Variants in PCOLCE2 observed in about 807,000 individuals in gnomAD.
PCOLCE2 encodes procollagen C-proteinase enhancer 2.
In PCOLCE2, 42 loss-of-function variants were observed where a neutral mutation model predicts 47.0. The observed-to-expected ratio is 0.89, with a 90% CI of 0.70 to 1.16. The LOEUF is 1.16. PCOLCE2 is among the 50% of genes most tolerant of loss of function. PCOLCE2 has a pLI of 0.00. For synonymous variants in PCOLCE2, 169 were observed against 191.7 expected (o/e 0.88, Z 0.98); for missense variants, 500 against 526.1 (o/e 0.95, Z 0.49).
intron 2 of PCOLCE2, among the ~76,000 whole-genome samples, chr3:142,884,721 C>T (rs933719977): frequency 6.6e-6 from 1 of 152,200 alleles, no homozygotes; most frequent in Non-Finnish European, 1.5e-5. Flanking sequence ...GTAGCAGCTT[C>T]CCTATTTGCA....
At chr3:142,826,744 C>T (rs1275172015) in intron 6 of PCOLCE2, among the ~76,000 whole-genome samples, 2 of 152,154 alleles carry the variant, frequency 1.3e-5, no homozygotes, top group African/African-American at 4.8e-5. Context: ...CCAGTAGACT[C>T]CATGTCATGA....
intron 2 of PCOLCE2, among the ~76,000 whole-genome samples, chr3:142,866,469 T>G (rs1050193152): frequency 6.6e-6 from 1 of 152,152 alleles, no homozygotes; most frequent in African/African-American, 2.4e-5. Context: ...GCCTCTATAA[T>G]TGCATGAGCC....
Position 142,878,786 on chromosome 3 carries a change from G to A in PCOLCE2, c.192+8883C>T, listed in dbSNP as rs147922210. ...GGAGAATCTCTTGAATCCAGGAAGC[G>A]GAGGCTGCAGTGAGCTGAGATCACG... On this transcript the variant is annotated intron_variant, in intron 2 of 8. Coordinates refer to ENST00000295992, the MANE Select transcript of PCOLCE2 (RefSeq NM_013363.4). Among the ~76,000 whole-genome samples the A allele has an allele frequency of 1.0e-3, 157 of 152,098 alleles. 1 individual carries two copies. The highest frequency in any genetic ancestry group is 9.6e-3 in the South Asian group (46 of 4,812).
At chr3:142,825,409 G>A (rs1440248773) in intron 6 of PCOLCE2, among the ~76,000 whole-genome samples, 3 of 151,980 alleles carry the variant, frequency 2.0e-5, no homozygotes, top group Non-Finnish European at 4.4e-5. Context: ...CCGGTTCTCA[G>A]CCCTCCCTGG....
chr3:142,834,557 G>C (rs923742223), intron 5 of PCOLCE2, among the ~76,000 whole-genome samples: 23 of 152,010 alleles, frequency 1.5e-4, no homozygotes, highest in African/African-American at 4.3e-4. Context: ...TCTAAGAAAA[G>C]ACATTTGTGA....
chr3:142,828,720 G>A (rs72992653), intron 6 of PCOLCE2, among the ~76,000 whole-genome samples: 3,030 of 152,278 alleles, frequency 0.02, 98 homozygotes, highest in African/African-American at 0.069. Flanking sequence ...CCATGCTTGC[G>A]ATTTCAGAGA....
chr3:142,871,098 C>T (rs1244916288), intron 2 of PCOLCE2, among the ~76,000 whole-genome samples: 1 of 152,216 alleles, frequency 6.6e-6, no homozygotes, highest in African/African-American at 2.4e-5. Flanking sequence ...ATTGCATCTT[C>T]ATCCTTCCAG....
chr3:142,858,614 G>A (rs1578043236), intron 2 of PCOLCE2, among the ~76,000 whole-genome samples: 1 of 151,692 alleles, frequency 6.6e-6, no homozygotes, highest in Non-Finnish European at 1.5e-5. Context: ...TGGGGTAAGT[G>A]GGGGGGTCCC....
At chr3:142,852,316 T>G (rs1365750450) in intron 2 of PCOLCE2, among the ~76,000 whole-genome samples, 1 of 152,160 alleles carries the variant, frequency 6.6e-6, no homozygotes, top group Non-Finnish European at 1.5e-5. Context: ...TATAAAGGAC[T>G]TTAGAGAGCA....
At chr3:142,826,892 A>G (rs1179990473) in intron 6 of PCOLCE2, among the ~76,000 whole-genome samples, 1 of 152,020 alleles carries the variant, frequency 6.6e-6, no homozygotes, top group African/African-American at 2.4e-5. Flanking sequence ...CTCCCTCGCC[A>G]CTGCTTTTCA....
At chr3:142,861,584 T>G (rs555847769) in intron 2 of PCOLCE2, among the ~76,000 whole-genome samples, 1 of 152,342 alleles carries the variant, frequency 6.6e-6, no homozygotes, top group African/African-American at 2.4e-5. Flanking sequence ...TGATTTTATG[T>G]GCACAGTGTC....
chr3:142,854,536 T>C (rs1007572862), intron 2 of PCOLCE2, among the ~76,000 whole-genome samples: 2 of 152,250 alleles, frequency 1.3e-5, no homozygotes, highest in African/African-American at 2.4e-5. Context: ...ATCTTATACA[T>C]GTTTAAAAAA....
At chr3:142,849,869 G>GT (rs1937370684) in intron 2 of PCOLCE2, among the ~76,000 whole-genome samples, 2 of 152,180 alleles carry the variant, frequency 1.3e-5, no homozygotes, top group Non-Finnish European at 2.9e-5. Flanking sequence ...CCCCATGTTG[G>GT]TAAGTACAGT....
At chr3:142,843,132 T>C (rs1258078627) in intron 3 of PCOLCE2, 84 bp from the exon 4 acceptor site, 2 of 1,387,966 alleles carry the variant, frequency 1.4e-6, no homozygotes, top group African/African-American at 1.4e-5. Context: ...GAATGTGGGA[T>C]CTTTGGTGAG....
chr3:142,821,187 G>T, intron 7 of PCOLCE2, 142 bp from the exon 8 acceptor site: 1 of 644,454 alleles, frequency 1.6e-6, no homozygotes, highest in Non-Finnish European at 2.6e-6. Context: ...TTTCACATTT[G>T]CTTCTGTACA....
Position 142,843,027 on chromosome 3 carries a change from A to G in PCOLCE2, c.470T>C (p.Leu157Pro), listed in dbSNP as rs147460166. Residue 157 changes from leucine (L) to proline (P), a missense_variant, in exon 4 of 9, where the codon CTC becomes CCC. Leu to Pro is a moderately conservative substitution (Grantham distance 98). Transcript: ENST00000295992. ...NERGDQYCGGLLDRPSGSFKT... is the reference protein window; with the variant it reads ...NERGDQYCGGPLDRPSGSFKT... ...AAAAGAGCCGGAAGGTCTGTCAAGG[A>G]GTCCTCCACAATACTGATCCCCTTC... 1.9e-6 allele frequency: 3 copies of G among 1,613,868 alleles called. No homozygotes were observed. The African/African-American group carries it at 4.0e-5, about 22-fold the overall frequency.
At chr3:142,861,541 CTTG>C (rs146673619) in intron 2 of PCOLCE2, among the ~76,000 whole-genome samples, 4,549 of 152,064 alleles carry the variant, frequency 0.03, 225 homozygotes, top group African/African-American at 0.1. Context: ...CAGTGTTTTT[CTTG>C]TTGTTTCCTT....
intron 6 of PCOLCE2, chr3:142,827,783 C>T: frequency 1.6e-6 from 1 of 618,262 alleles, no homozygotes; most frequent in African/African-American, 1.8e-5. Flanking sequence ...GACCCGTGTA[C>T]CCCTACGCAT....
intron 2 of PCOLCE2, among the ~76,000 whole-genome samples, chr3:142,864,869 T>C (rs1933251055): frequency 6.6e-6 from 1 of 152,260 alleles, no homozygotes; most frequent in South Asian, 2.1e-4. Flanking sequence ...TATTCCATTG[T>C]ATGAATATGC....
Sources: gnomAD v4.1 joint callset for allele counts (sites outside exome capture counted in the v4.1 genomes callset) on GRCh38, gnomAD v4.1.1 for gene constraint, MANE v1.5 for transcripts, NCBI Gene and HGNC (gene_info 2026-07-23, HGNC 2026-07-21) for gene names.